The following INSL6 variants were observed in gnomAD, a reference collection of about 807,000 sequenced individuals.
The protein encoded by INSL6 is insulin like 6, also known as insulin-like peptide INSL6.
A neutral mutation model predicts 9.4 loss-of-function variants in INSL6; 16 were observed. That is an observed-to-expected ratio of 1.70 (90% CI 1.15 to 2.59). INSL6 has a LOEUF of 2.59. Among genes scored for constraint, INSL6 ranks in the 30% most tolerant of loss-of-function variants. The pLI, the probability that INSL6 is intolerant of heterozygous loss-of-function variation, is 0.00. For missense variants in INSL6, 391 were observed against 257.3 expected (o/e 1.52, Z -3.56); for synonymous variants, 154 against 96.9 (o/e 1.59, Z -3.46).
At chr9:5,055,995 C>T in the INSL6 span, among the ~76,000 whole-genome samples, 1 of 151,974 alleles carries the variant, frequency 6.6e-6, no homozygotes, top group Non-Finnish European at 1.5e-5. Context: ...GTTTCTTGTA[C>T]ATTACTGTAC....
the INSL6 span, chr9:5,055,805 A>G: frequency 3.1e-6 from 5 of 1,599,602 alleles, no homozygotes; most frequent in African/African-American, 6.7e-5. Flanking sequence ...TTGCTTTATG[A>G]TTGAATAATG....
At chr9:5,041,294 A>C in the INSL6 span, 1 of 912,762 alleles carries the variant, frequency 1.1e-6, no homozygotes, top group Non-Finnish European at 1.7e-6. Context: ...CACTGGTCTC[A>C]GGACCAAGAA....
chr9:5,112,700 C>G, the INSL6 span: 4 of 878,204 alleles, frequency 4.6e-6, no homozygotes, highest in African/African-American at 6.9e-5. Context: ...TTTGGAGCAG[C>G]AAGTGCGAGA....
chr9:5,170,591 C>T (rs1825158965), intron 1 of INSL6, among the ~76,000 whole-genome samples: 1 of 150,078 alleles, frequency 6.7e-6, no homozygotes, highest in South Asian at 2.1e-4. Context: ...TAAAATAGAC[C>T]ACTAGGTAGG....
At chr9:5,112,756 G>C in the INSL6 span, 2 of 661,818 alleles carry the variant, frequency 3.0e-6, no homozygotes, top group East Asian at 3.3e-5. Flanking sequence ...GGCGAGAAGA[G>C]AAGGTGTCGC....
At chr9:5,087,936 C>A in the INSL6 span, among the ~76,000 whole-genome samples, 1 of 152,052 alleles carries the variant, frequency 6.6e-6, no homozygotes, top group Admixed American at 6.5e-5. Flanking sequence ...TGACAATATA[C>A]AATAATTAAA....
At chr9:5,089,458 A>T in the INSL6 span, among the ~76,000 whole-genome samples, 13 of 146,438 alleles carry the variant, frequency 8.9e-5, no homozygotes, top group African/African-American at 3.1e-4. Context: ...GAATGGTGTG[A>T]ACCCAGGGGG....
chr9:5,020,676 G>A, the INSL6 span, among the ~76,000 whole-genome samples: 1 of 152,186 alleles, frequency 6.6e-6, no homozygotes, highest in Non-Finnish European at 1.5e-5. Context: ...TGCAATGGTG[G>A]CAGCTGTAGG....
chr9:5,003,579 C>G, the INSL6 span, among the ~76,000 whole-genome samples: 1 of 152,010 alleles, frequency 6.6e-6, no homozygotes, highest in Non-Finnish European at 1.5e-5. Flanking sequence ...CATCTTGTGA[C>G]TTTGCTAAAT....
chr9:5,114,493 C>T, the INSL6 span: 3 of 466,680 alleles, frequency 6.4e-6, no homozygotes, highest in East Asian at 5.4e-5. Context: ...TGTGCTCCCC[C>T]ACAGGTCTAC....
At chr9:5,020,371 T>C in the INSL6 span, among the ~76,000 whole-genome samples, 3 of 151,944 alleles carry the variant, frequency 2.0e-5, no homozygotes, top group Admixed American at 1.3e-4. Flanking sequence ...GGGAGTGGGG[T>C]GCTGAGCTGG....
chr9:5,126,201 T>A (rs1411365119), intron 3 of INSL6: 1 of 584,238 alleles, frequency 1.7e-6, no homozygotes, highest in Non-Finnish European at 3.0e-6. Flanking sequence ...AAAAGTAGTT[T>A]GTTTTGAAAA....
intron 1 of INSL6, among the ~76,000 whole-genome samples, chr9:5,177,726 G>A (rs553353065): frequency 6.6e-6 from 1 of 152,318 alleles, no homozygotes; most frequent in Admixed American, 6.5e-5. Context: ...AGAGTTCCTG[G>A]GAGGAGGGGC....
intron 2 of INSL6, among the ~76,000 whole-genome samples, chr9:5,158,168 G>A (rs1299904867): frequency 6.6e-6 from 1 of 151,958 alleles, no homozygotes; most frequent in Non-Finnish European, 1.5e-5. Context: ...AAAGAAAAAT[G>A]AATTAAAAAA....
the INSL6 span, among the ~76,000 whole-genome samples, chr9:5,063,640 G>T: frequency 1.3e-5 from 2 of 152,084 alleles, no homozygotes; most frequent in African/African-American, 4.8e-5. Flanking sequence ...TTATGATATT[G>T]AATTTTCCTA....
the INSL6 span, chr9:5,112,617 A>G: frequency 1.1e-6 from 1 of 929,640 alleles, no homozygotes; most frequent in South Asian, 2.0e-5. Context: ...CGCATGTGGC[A>G]ACTGCACCTC....
chr9:5,130,363 T>A (rs10123980), intron 3 of INSL6, among the ~76,000 whole-genome samples: 1 of 151,964 alleles, frequency 6.6e-6, no homozygotes, highest in African/African-American at 2.4e-5. Context: ...GACAGAAGCA[T>A]AGCTTTTAGA....
the INSL6 span, among the ~76,000 whole-genome samples, chr9:5,116,563 A>G: frequency 6.6e-6 from 1 of 152,246 alleles, no homozygotes; most frequent in Non-Finnish European, 1.5e-5. Context: ...GAGGTTAAAT[A>G]AAATTAGCTG....
the INSL6 span, among the ~76,000 whole-genome samples, chr9:5,053,586 C>T: frequency 6.6e-6 from 1 of 151,868 alleles, no homozygotes; most frequent in African/African-American, 2.4e-5. Flanking sequence ...AGCAGTTTCT[C>T]TTGAAATAAT....
Sources: allele counts gnomAD v4.1 joint callset (sites outside exome capture counted in the v4.1 genomes callset), GRCh38; gene constraint gnomAD v4.1.1; transcripts MANE v1.5; gene names NCBI Gene and HGNC (gene_info 2026-07-23, HGNC 2026-07-21).